MYO1E: variants seen among roughly 807,000 people sequenced by gnomAD.
MYO1E encodes the protein unconventional myosin-Ie.
MYO1E carries 68 observed loss-of-function variants against 151.1 expected under a neutral mutation model. The ratio of observed to expected loss-of-function variants is 0.45; its 90% CI spans 0.37 to 0.55. The LOEUF (loss-of-function observed/expected upper bound fraction) is 0.55, where lower values mean the gene tolerates loss of function less well. Among genes scored for constraint, MYO1E ranks in the 20% least tolerant of loss-of-function variants. The pLI is 0.00. For synonymous variants in MYO1E, 601 were observed against 501.7 expected, an observed-to-expected ratio of 1.20 and a Z score of -2.64; for missense variants, 1,363 against 1,389.3, an observed-to-expected ratio of 0.98 and a Z score of 0.30.
Position 59,291,711 on chromosome 15 carries a change from A to G in MYO1E, c.4-19262T>C, listed in dbSNP as rs796123751. Among the ~76,000 whole-genome samples, 203 of 66,898 alleles carry G rather than the reference A, an allele frequency of 3.0e-3. 3 individuals are homozygous for G. The highest frequency in any genetic ancestry group is 0.012 in the African/African-American group (183 of 15,132). The allele number at this position is 66,898 out of a possible 152,430, so 43.9% of individuals were successfully genotyped here. A position where few individuals can be genotyped will look rare whatever the true frequency, so the allele number is the denominator to read the frequency against. Reference sequence around the variant, plus strand: ...AAAAAAAAAAAAAAAAAAAAAAAAAAAGAGAGAGAGAGAGAGAAAACAAAG... The same window carrying G: ...AAAAAAAAAAAAAAAAAAAAAAAAAGAGAGAGAGAGAGAGAGAAAACAAAG... On this transcript the variant is annotated intron_variant, in intron 1 of 27. Coordinates refer to ENST00000288235, the MANE Select transcript of MYO1E (RefSeq NM_004998.4).
intron 22 of MYO1E, among the ~76,000 whole-genome samples, chr15:59,166,830 C>T (rs1212951739): frequency 6.6e-6 from 1 of 152,160 alleles, no homozygotes; most frequent in African/African-American, 2.4e-5. Context: ...CTTCACCTGA[C>T]CCGCAGATGC....
chr15:59,372,449 T>G (rs1399458276), intron 1 of MYO1E, 49 bp downstream of exon 1: 1 of 1,536,280 alleles, frequency 6.5e-7, no homozygotes, highest in African/African-American at 1.4e-5. Context: ...CGGGGTTTCC[T>G]GCCCCGTCCC....
chr15:59,271,706 A>T (rs1333966253), intron 2 of MYO1E, among the ~76,000 whole-genome samples: 1 of 152,264 alleles, frequency 6.6e-6, no homozygotes, highest in East Asian at 1.9e-4. Flanking sequence ...TTCACTTCTC[A>T]CATTTCCTTT....
At chr15:59,283,275 G>A (rs1172853991) in intron 1 of MYO1E, among the ~76,000 whole-genome samples, 1 of 152,044 alleles carries the variant, frequency 6.6e-6, no homozygotes, top group Non-Finnish European at 1.5e-5. Flanking sequence ...ACCATGCTGT[G>A]CTTTGTTTCT....
In MYO1E at chr15:59,252,731, G is replaced by A. The variant is rs548017505; in HGVS notation, c.332+3553C>T. On this transcript the variant is annotated intron_variant, in intron 4 of 27. Coordinates refer to ENST00000288235, the MANE Select transcript of MYO1E (RefSeq NM_004998.4). ...CTCTGTCTCAAAAAAAAAAAAAAGCGAAAGAATTAGCCAGGCATGGTGGTG... is the reference window on the plus strand; with the variant it reads ...CTCTGTCTCAAAAAAAAAAAAAAGCAAAAGAATTAGCCAGGCATGGTGGTG... Among the ~76,000 whole-genome samples the A allele has an allele frequency of 2.3e-3, 309 of 134,304 alleles. 1 individual carries two copies. Among genetic ancestry groups the A allele is most frequent in the African/African-American group, 6.5e-3 (235 of 36,356 alleles). 88.1% of individuals were successfully genotyped at this position (134,304 alleles called of 152,430 possible). A position where few individuals can be genotyped will look rare whatever the true frequency, so the allele number is the denominator to read the frequency against.
At chr15:59,162,948 A>G (rs1295301534) in intron 23 of MYO1E, among the ~76,000 whole-genome samples, 1 of 152,202 alleles carries the variant, frequency 6.6e-6, no homozygotes, top group African/African-American at 2.4e-5. Context: ...CTATGAAGTC[A>G]TTATTTCACA....
chr15:59,294,172 T>C (rs190828676), intron 1 of MYO1E, among the ~76,000 whole-genome samples: 1 of 152,266 alleles, frequency 6.6e-6, no homozygotes, highest in Admixed American at 6.5e-5. Context: ...TTTAAACATT[T>C]TATATCACCC....
At chr15:59,221,009 AAT>A (rs1210993172) in intron 9 of MYO1E, among the ~76,000 whole-genome samples, 7 of 145,840 alleles carry the variant, frequency 4.8e-5, no homozygotes, top group African/African-American at 1.2e-4. Flanking sequence ...TTATATATAT[AAT>A]ATATATATAA....
chr15:59,308,669 C>G (rs1176401336), intron 1 of MYO1E, among the ~76,000 whole-genome samples: 3 of 64,732 alleles, frequency 4.6e-5, no homozygotes, highest in Non-Finnish European at 9.7e-5. Context: ...AAGACACCAT[C>G]TCAAAAAAAA....
chr15:59,306,122 A>T (rs1026694841), intron 1 of MYO1E, among the ~76,000 whole-genome samples: 1 of 152,234 alleles, frequency 6.6e-6, no homozygotes, highest in African/African-American at 2.4e-5. Flanking sequence ...ATTCAACCCC[A>T]GAAGTTTTTC....
intron 21 of MYO1E, among the ~76,000 whole-genome samples, chr15:59,173,213 C>T (rs1456542052): frequency 6.6e-6 from 1 of 152,186 alleles, no homozygotes; most frequent in Non-Finnish European, 1.5e-5. Flanking sequence ...AACGATTTCA[C>T]TCCTATCAAT....
intron 1 of MYO1E, among the ~76,000 whole-genome samples, chr15:59,371,528 G>T: frequency 6.6e-6 from 1 of 151,938 alleles, no homozygotes; most frequent in Admixed American, 6.6e-5. Context: ...AAAGCCCAAG[G>T]GAGGTGGCTA....
In MYO1E at chr15:59,372,852, T is replaced by G. The variant is rs2140449492; in HGVS notation, c.-352A>C. ...CCTCTTTCTTCGGCCACTTAATCCG[T>G]ACTCCTCTGGCTGAGTCTCGGCTCG... On this transcript the variant is annotated 5_prime_UTR_variant, in exon 1 of 28. Transcript: ENST00000288235. The G allele has an allele frequency of 2.6e-6, 1 of 390,424 alleles. No individual in the cohort carries two copies. The highest frequency in any genetic ancestry group is 4.3e-5 in the Admixed American group (1 of 23,526). 24.2% of individuals were successfully genotyped at this position (390,424 alleles called of 1,614,324 possible).
intron 12 of MYO1E, among the ~76,000 whole-genome samples, chr15:59,211,819 C>G (rs1226587870): frequency 6.6e-6 from 1 of 152,072 alleles, no homozygotes; most frequent in African/African-American, 2.4e-5. Flanking sequence ...GATACTCCCC[C>G]TCCCCACCTA....
At chr15:59,317,554 T>G (rs10851648) in intron 1 of MYO1E, among the ~76,000 whole-genome samples, 110,363 of 152,016 alleles carry the variant, frequency 0.73, 41,326 homozygotes, top group Middle Eastern at 0.83. Flanking sequence ...CCAAACCTAG[T>G]ATGACTATAC....
At chr15:59,218,659 A>G (rs1175118515) in intron 9 of MYO1E, among the ~76,000 whole-genome samples, 1 of 152,248 alleles carries the variant, frequency 6.6e-6, no homozygotes, top group Non-Finnish European at 1.5e-5. Context: ...AATCTAGATG[A>G]GGCAAAAATA....
At position 59,332,048 on chromosome 15, in the gene MYO1E, C is replaced by A. The variant is rs548052902; in HGVS notation, c.3+40450G>T. ...TAGGTTCTAGATAAAAATTGGGATG[C>A]GTATAAATTAAATTTAAAAGCAAAA... On this transcript the variant is annotated intron_variant, in intron 1 of 27. Transcript: ENST00000288235. 6.5e-4 allele frequency among the ~76,000 whole-genome samples: 99 copies of A among 152,284 alleles called. 1 individual carries two copies. In the South Asian group the frequency reaches 0.02, roughly 31 times the overall value.
rs1161199669 is a variant in MYO1E, at chr15:59,350,241, A to C, written c.3+22257T>G. 6.6e-6 allele frequency among the ~76,000 whole-genome samples: 1 copy of C among 152,218 alleles called. No homozygotes were observed. The highest frequency in any genetic ancestry group is 1.5e-5 in the Non-Finnish European group (1 of 68,042). ...GGGCCTCCTTCCCTGATCACCAGGC[A>C]GGCTCCTGCCTTTCCTCAGGGTGGA... is the stretch of plus-strand genomic sequence containing the variant. On this transcript the variant is annotated intron_variant, in intron 1 of 27. Coordinates refer to ENST00000288235, the MANE Select transcript of MYO1E (RefSeq NM_004998.4). The surrounding 1 kb of genome is among the most constrained non-coding windows in gnomAD (Gnocchi z 5.0).
chr15:59,256,477 T>C, intron 3 of MYO1E, 99 bp from the exon 4 acceptor site: 1 of 639,584 alleles, frequency 1.6e-6, no homozygotes, highest in East Asian at 3.4e-5. Context: ...TTTCTTTTCC[T>C]GAATTTGGAA....
Sources: gnomAD v4.1 joint callset for allele counts (sites outside exome capture counted in the v4.1 genomes callset) on GRCh38, gnomAD v4.1.1 for gene constraint, Gnocchi (gnomAD v3.1) non-coding constraint, MANE v1.5 for transcripts, NCBI Gene and HGNC (gene_info 2026-07-23, HGNC 2026-07-21) for gene names.